The following TSHZ2 variants were observed in gnomAD, a reference collection of about 807,000 sequenced individuals.
The protein encoded by TSHZ2 is teashirt zinc finger homeobox 2.
In TSHZ2, 21 loss-of-function variants were observed where a neutral mutation model predicts 74.4. The ratio of observed to expected loss-of-function variants is 0.28; its 90% CI spans 0.20 to 0.41. The LOEUF is 0.41. Among genes scored for constraint, TSHZ2 ranks in the 10% least tolerant of loss-of-function variants. TSHZ2 has a pLI of 1.00. For synonymous variants in TSHZ2, 540 were observed against 515.3 expected (o/e 1.05, Z -0.65); for missense variants, 1,244 against 1,293.5 (o/e 0.96, Z 0.59).
At chr20:53,281,586 A>G (rs2145437184) in intron 2 of TSHZ2, among the ~76,000 whole-genome samples, 1 of 152,308 alleles carries the variant, frequency 6.6e-6, no homozygotes, top group Non-Finnish European at 1.5e-5. Flanking sequence ...CACAGGCTAG[A>G]GTTTACCAGC....
At chr20:52,985,291 A>C (rs1051215690) in intron 1 of TSHZ2, among the ~76,000 whole-genome samples, 1 of 152,216 alleles carries the variant, frequency 6.6e-6, no homozygotes, top group Admixed American at 6.5e-5. Context: ...AACAGACCTA[A>C]TAAAAGGACT....
At chr20:53,471,544 G>T (rs1985799380) in intron 2 of TSHZ2, among the ~76,000 whole-genome samples, 1 of 152,158 alleles carries the variant, frequency 6.6e-6, no homozygotes, top group South Asian at 2.1e-4. Flanking sequence ...AAGTCCTATG[G>T]GTAAGAAAAG....
intron 1 of TSHZ2, among the ~76,000 whole-genome samples, chr20:53,166,773 AAATAAT>A (rs1041876567): frequency 6.6e-6 from 1 of 152,134 alleles, no homozygotes. Context: ...TCTGTCTAAA[AAATAAT>A]AATAATAAAA....
rs144098133 is a variant in TSHZ2 at position 53,239,965 on chromosome 20, C to T, written c.41-13534C>T. 2.6e-5 allele frequency among the ~76,000 whole-genome samples: 4 copies of T among 152,062 alleles called. No individual in the cohort carries two copies. The East Asian group carries it at 7.7e-4, about 29-fold the overall frequency. On this transcript the variant is annotated intron_variant, in intron 1 of 2. Coordinates refer to ENST00000371497, the MANE Select transcript of TSHZ2 (RefSeq NM_173485.6). ...TTATGAAGCTCTCAGTTGCAAGGAACTATGTTAAGCAGTAAAGGGTATTAT... is the reference window on the plus strand; with the variant it reads ...TTATGAAGCTCTCAGTTGCAAGGAATTATGTTAAGCAGTAAAGGGTATTAT...
chr20:52,994,421 G>A (rs1451950329), intron 1 of TSHZ2, among the ~76,000 whole-genome samples: 3 of 143,710 alleles, frequency 2.1e-5, no homozygotes, highest in South Asian at 2.1e-4. Flanking sequence ...TGAGTAGATG[G>A]ATGGATGGAT....
At chr20:53,280,840 G>A (rs569303662) in intron 2 of TSHZ2, among the ~76,000 whole-genome samples, 43 of 152,002 alleles carry the variant, frequency 2.8e-4, no homozygotes, top group Admixed American at 7.9e-4. Context: ...CTAGAGGTGC[G>A]TGCCACGACA....
intron 1 of TSHZ2, chr20:53,185,339 C>T (rs1988574715): frequency 8.8e-7 from 1 of 1,133,534 alleles, no homozygotes; most frequent in African/African-American, 1.6e-5. Context: ...CATCTGAAAA[C>T]ACAAAATCTG....
At position 53,491,433 on chromosome 20, in the gene TSHZ2, T is replaced by A. The variant is rs1986444761; in HGVS notation, c.*4298T>A. On this transcript the variant is annotated 3_prime_UTR_variant, in exon 3 of 3. Coordinates refer to ENST00000371497, the MANE Select transcript of TSHZ2 (RefSeq NM_173485.6). ...TTCCATCCCCCCAGACAGAGAGACA[T>A]ATTTCCATTGTAGGAAGGCATTAAA... 1 of 152,198 alleles carries A rather than the reference T, an allele frequency of 6.6e-6. No individual in the cohort carries two copies. Among genetic ancestry groups the A allele is most frequent in the Non-Finnish European group, 1.5e-5 (1 of 68,026 alleles). 9.4% of individuals were successfully genotyped at this position (152,198 alleles called of 1,614,324 possible). A position where few individuals can be genotyped will look rare whatever the true frequency, so the allele number is the denominator to read the frequency against.
chr20:53,271,482 G>A (rs913685569), intron 2 of TSHZ2, among the ~76,000 whole-genome samples: 1 of 152,190 alleles, frequency 6.6e-6, no homozygotes, highest in African/African-American at 2.4e-5. Context: ...ATTGAGGCTG[G>A]GTGAACAGGT....
intron 2 of TSHZ2, among the ~76,000 whole-genome samples, chr20:53,354,180 G>C (rs962246370): frequency 6.6e-6 from 1 of 152,202 alleles, no homozygotes; most frequent in Non-Finnish European, 1.5e-5. Context: ...GTGTAACGAC[G>C]TAGAATTATG....
intron 1 of TSHZ2, among the ~76,000 whole-genome samples, chr20:53,231,276 A>G (rs908008189): frequency 7.2e-5 from 11 of 152,236 alleles, no homozygotes; most frequent in Non-Finnish European, 1.3e-4. Context: ...CTGCATATAC[A>G]AATCATTGAA....
chr20:53,220,448 G>A (rs1989527352), intron 1 of TSHZ2, among the ~76,000 whole-genome samples: 1 of 152,126 alleles, frequency 6.6e-6, no homozygotes, highest in South Asian at 2.1e-4. Flanking sequence ...ACTGATTAAG[G>A]GCCAGTTTTT....
intron 1 of TSHZ2, among the ~76,000 whole-genome samples, chr20:53,048,592 G>T (rs1198768182): frequency 2.0e-5 from 3 of 152,280 alleles, no homozygotes; most frequent in East Asian, 3.9e-4. Context: ...GATTTGCCGG[G>T]CGTGGGCAGC....
intron 2 of TSHZ2, among the ~76,000 whole-genome samples, chr20:53,439,523 TGCTCA>T (rs1162124794): frequency 6.6e-6 from 1 of 152,206 alleles, no homozygotes; most frequent in Non-Finnish European, 1.5e-5. Flanking sequence ...ATAATTATGA[TGCTCA>T]GTTTCTAGGG....
chr20:53,336,618 C>T (rs991365185), intron 2 of TSHZ2, among the ~76,000 whole-genome samples: 1 of 152,170 alleles, frequency 6.6e-6, no homozygotes, highest in Non-Finnish European at 1.5e-5. Flanking sequence ...CCTCTTTCTG[C>T]TCCGTCAGCC....
intron 2 of TSHZ2, among the ~76,000 whole-genome samples, chr20:53,457,165 C>A (rs1468924758): frequency 7.1e-6 from 1 of 139,998 alleles, no homozygotes; most frequent in Non-Finnish European, 1.5e-5. Context: ...GCCATTTTCA[C>A]GATATTGATT....
chr20:53,305,353 C>T (rs776524339), intron 2 of TSHZ2, among the ~76,000 whole-genome samples: 5 of 152,066 alleles, frequency 3.3e-5, no homozygotes, highest in African/African-American at 7.2e-5. Context: ...TGCTGTAGCC[C>T]GGTAGAAGGC....
At chr20:53,090,991 T>G (rs566685097) in intron 1 of TSHZ2, among the ~76,000 whole-genome samples, 1 of 152,344 alleles carries the variant, frequency 6.6e-6, no homozygotes, top group Non-Finnish European at 1.5e-5. Flanking sequence ...CATGTATGAA[T>G]GTTTATATTC....
intron 1 of TSHZ2, among the ~76,000 whole-genome samples, chr20:53,043,152 G>T (rs990764816): frequency 6.6e-6 from 1 of 152,226 alleles, no homozygotes; most frequent in African/African-American, 2.4e-5. Context: ...AAAGGTGAAT[G>T]TAAATTTGAT....
Sources: allele counts gnomAD v4.1 joint callset (sites outside exome capture counted in the v4.1 genomes callset), GRCh38; gene constraint gnomAD v4.1.1; transcripts MANE v1.5; gene names NCBI Gene and HGNC (gene_info 2026-07-23, HGNC 2026-07-21).